Variants in WNK1 observed in about 807,000 individuals in gnomAD.
WNK1 encodes serine/threonine-protein kinase WNK1.
WNK1 carries 38 observed loss-of-function variants against 222.8 expected under a neutral mutation model. The observed-to-expected ratio is 0.17, with a 90% CI of 0.13 to 0.22. WNK1 has a LOEUF of 0.22. Among genes scored for constraint, WNK1 ranks in the 10% least tolerant of loss-of-function variants. WNK1 has a pLI of 1.00. For missense variants in WNK1, 2,348 were observed against 2,918.4 expected (o/e 0.80, Z 4.50); for synonymous variants, 1,090 against 1,092.9 (o/e 1.00, Z 0.05).
intron 1 of WNK1, among the ~76,000 whole-genome samples, chr12:760,940 AT>A (rs11284313): frequency 0.15 from 19,220 of 130,002 alleles, 2,296 homozygotes; most frequent in Admixed American, 0.2. Flanking sequence ...CACCCGGCTA[AT>A]TTTTTTTTTT....
intron 1 of WNK1, among the ~76,000 whole-genome samples, chr12:771,269 T>A (rs948629484): frequency 6.6e-6 from 1 of 152,136 alleles, no homozygotes; most frequent in African/African-American, 2.4e-5. Context: ...AGTGCTGGGA[T>A]GACAGGTGTG....
At chr12:800,087 T>C (rs1243845657) in intron 1 of WNK1, among the ~76,000 whole-genome samples, 1 of 152,166 alleles carries the variant, frequency 6.6e-6, no homozygotes, top group Non-Finnish European at 1.5e-5. Flanking sequence ...AAGGCTGCAA[T>C]GGTCTAGGAC....
At position 753,696 on chromosome 12, in the gene WNK1, C is replaced by T. The variant is rs754447060; in HGVS notation, c.131C>T (p.Ala44Val). 6.0e-5 allele frequency: 96 copies of T among 1,612,182 alleles called. No homozygotes were observed. In the East Asian group the frequency reaches 2.1e-3, roughly 36 times the overall value. Residue 44 changes from alanine (A) to valine (V), a missense_variant, in exon 1 of 28, where the codon GCC becomes GTC. By Grantham distance (64) the Ala-to-Val change is moderately conservative. This residue lies in a region of WNK1 where 108 missense variants were observed against 109.7 expected (regional missense o/e 0.98). Coordinates refer to ENST00000315939, the MANE Select transcript of WNK1 (RefSeq NM_018979.4). The surrounding 1 kb of genome is among the most constrained non-coding windows in gnomAD (Gnocchi z 5.2). The stretch of plus-strand genomic sequence containing the variant: ...GGGGAGAAACTGGGAGCCGCGGCCG[C>T]CGACGCTGTGACCGGCAGGACCGAG... ...SVGEKLGAAA[A>V]DAVTGRTEEY...
chr12:797,904 G>C (rs560795581), intron 1 of WNK1, among the ~76,000 whole-genome samples: 1 of 146,598 alleles, frequency 6.8e-6, no homozygotes, highest in Admixed American at 6.8e-5. Context: ...AGCCGAGATC[G>C]CACCACTGCA....
At chr12:789,182 T>C (rs543300421) in intron 1 of WNK1, among the ~76,000 whole-genome samples, 1 of 152,292 alleles carries the variant, frequency 6.6e-6, no homozygotes, top group Admixed American at 6.5e-5. Context: ...GAGAAAGTAG[T>C]TGTTTGTTGA....
intron 5 of WNK1, among the ~76,000 whole-genome samples, chr12:857,775 G>C (rs985746035): frequency 6.6e-6 from 1 of 152,190 alleles, no homozygotes; most frequent in African/African-American, 2.4e-5. Context: ...TACTAACAGA[G>C]GGCTTCTCTT....
intron 8 of WNK1, chr12:869,166 T>G: frequency 6.4e-7 from 1 of 1,573,974 alleles, no homozygotes; most frequent in East Asian, 2.2e-5. Context: ...ACATTTAAAT[T>G]TTCTATTCCT....
At chr12:902,827 T>C (rs1455466157) in intron 26 of WNK1, among the ~76,000 whole-genome samples, 1 of 152,232 alleles carries the variant, frequency 6.6e-6, no homozygotes, top group African/African-American at 2.4e-5. Context: ...GAACAGGTAG[T>C]CAATAACTGT....
rs1236049713 is a variant in WNK1 at position 909,041 on chromosome 12, T to G, written c.*249T>G. The G allele has an allele frequency of 3.8e-6, 2 of 531,644 alleles. No individual in the cohort carries two copies. The highest frequency in any genetic ancestry group is 3.8e-5 in the African/African-American group (2 of 52,392). The allele number at this position is 531,644 out of a possible 1,614,324, so 32.9% of individuals were successfully genotyped here. ...CAAGGGGCAGCTTCAGACCATGCTT[T>G]CCTGTTTATCTATACTCAGTAATGA... On this transcript the variant is annotated 3_prime_UTR_variant, in exon 28 of 28. Coordinates refer to ENST00000315939, the MANE Select transcript of WNK1 (RefSeq NM_018979.4).
intron 26 of WNK1, chr12:906,694 A>G (rs1370806899): frequency 1.0e-6 from 1 of 985,176 alleles, no homozygotes; most frequent in Admixed American, 6.2e-5. Flanking sequence ...GGTCCAGGTG[A>G]AAAACTTTTC....
chr12:832,513 A>G (rs929195273), intron 4 of WNK1, among the ~76,000 whole-genome samples: 1 of 152,180 alleles, frequency 6.6e-6, no homozygotes, highest in Non-Finnish European at 1.5e-5. Flanking sequence ...TCCTTGTTGT[A>G]TATTTGTATG....
intron 1 of WNK1, among the ~76,000 whole-genome samples, chr12:770,198 T>C (rs1302597123): frequency 6.6e-6 from 1 of 152,178 alleles, no homozygotes; most frequent in Admixed American, 6.5e-5. Flanking sequence ...GGTCTCAAAC[T>C]CCTGACCTCA....
chr12:851,188 T>TCCG (rs758677052), intron 4 of WNK1, among the ~76,000 whole-genome samples: 40 of 152,196 alleles, frequency 2.6e-4, no homozygotes, highest in Non-Finnish European at 3.1e-4. Context: ...TGTCCAGTGT[T>TCCG]CGTTTGGCTA....
chr12:870,880 T>A (rs1952083570), intron 8 of WNK1, among the ~76,000 whole-genome samples: 4 of 152,244 alleles, frequency 2.6e-5, no homozygotes, highest in Admixed American at 2.6e-4. Flanking sequence ...CATTACCAAA[T>A]ACCTTTCTTT....
chr12:819,738 C>G (rs560073439), intron 2 of WNK1, among the ~76,000 whole-genome samples: 1 of 152,072 alleles, frequency 6.6e-6, no homozygotes, highest in Non-Finnish European at 1.5e-5. Flanking sequence ...TTTAAGTTAA[C>G]TTTTGTGTAT....
At chr12:897,874 G>A (rs1954885057) in intron 25 of WNK1, among the ~76,000 whole-genome samples, 193 bp downstream of exon 25, 1 of 152,206 alleles carries the variant, frequency 6.6e-6, no homozygotes. Context: ...AGTAGACTTA[G>A]TGAATACAAT....
chr12:785,392 A>G (rs1176943529), intron 1 of WNK1, among the ~76,000 whole-genome samples: 1 of 118,202 alleles, frequency 8.5e-6, no homozygotes, highest in Admixed American at 1.1e-4. Flanking sequence ...CGTCCATATC[A>G]TTTTCTCCCC....
At chr12:765,477 GT>G (rs920746941) in intron 1 of WNK1, among the ~76,000 whole-genome samples, 2 of 147,582 alleles carry the variant, frequency 1.4e-5, no homozygotes, top group African/African-American at 4.9e-5. Flanking sequence ...AGCTGGGGAG[GT>G]CAGGGCTGCA....
intron 1 of WNK1, among the ~76,000 whole-genome samples, chr12:771,530 G>A (rs1378881087): frequency 5.3e-5 from 8 of 152,058 alleles, no homozygotes. Context: ...TGCCCCCTGG[G>A]TTCAAGCGAT....
Sources: allele counts gnomAD v4.1 joint callset (sites outside exome capture counted in the v4.1 genomes callset), GRCh38; gene constraint gnomAD v4.1.1; regional missense constraint gnomAD v4.1.1; non-coding constraint Gnocchi (gnomAD v3.1); transcripts MANE v1.5; gene names NCBI Gene and HGNC (gene_info 2026-07-23, HGNC 2026-07-21).